The following TAFA1 variants were observed in gnomAD, a reference collection of about 807,000 sequenced individuals.
TAFA1 encodes TAFA chemokine like family member 1, also known as chemokine-like protein TAFA-1.
Under a neutral mutation model 18.5 loss-of-function variants are expected in TAFA1, and 4 were observed. The ratio of observed to expected loss-of-function variants is 0.22; its 90% CI spans 0.11 to 0.49. TAFA1 has a LOEUF of 0.49. Among genes scored for constraint, TAFA1 ranks in the 20% least tolerant of loss-of-function variants. The pLI is 0.98. For synonymous variants in TAFA1, 56 were observed against 55.2 expected (o/e 1.01, Z -0.06); for missense variants, 147 against 169.0 (o/e 0.87, Z 0.72).
chr3:68,078,238 C>A (rs1031171510), intron 2 of TAFA1, among the ~76,000 whole-genome samples: 1 of 152,076 alleles, frequency 6.6e-6, no homozygotes, highest in Admixed American at 6.5e-5. Context: ...TCTAGATATA[C>A]AATCATGTCA....
chr3:68,545,205 C>T lies in TAFA1; in HGVS notation c.*702C>T, dbSNP rs903392750. On this transcript the variant is annotated 3_prime_UTR_variant, in exon 5 of 5. Coordinates refer to ENST00000478136, the MANE Select transcript of TAFA1 (RefSeq NM_213609.4). ...ATTCAATTGATATATAATAACCGTT[C>T]TAACCTCTTCCAGGAAAATATTTTT... 1.3e-5 allele frequency: 2 copies of T among 152,586 alleles called. No homozygotes were observed. The highest frequency in any genetic ancestry group is 2.9e-5 in the Non-Finnish European group (2 of 68,024). The allele number at this position is 152,586 out of a possible 1,614,324, so 9.5% of individuals were successfully genotyped here.
chr3:68,056,871 G>T (rs1272704035), intron 2 of TAFA1, among the ~76,000 whole-genome samples: 2 of 152,172 alleles, frequency 1.3e-5, no homozygotes, highest in East Asian at 3.9e-4. Context: ...GGGAGACTCT[G>T]AGGGGTCTGG....
intron 2 of TAFA1, among the ~76,000 whole-genome samples, chr3:68,078,651 G>C (rs1253190354): frequency 6.6e-6 from 1 of 152,018 alleles, no homozygotes; most frequent in East Asian, 1.9e-4. Flanking sequence ...TTGCATCCCA[G>C]GGATGAAGCC....
At chr3:68,196,021 A>G (rs1272341029) in intron 2 of TAFA1, among the ~76,000 whole-genome samples, 1 of 151,746 alleles carries the variant, frequency 6.6e-6, no homozygotes, top group Non-Finnish European at 1.5e-5. Context: ...ATAGAGTTTT[A>G]GAGACAGCTG....
chr3:68,210,991 C>G (rs2066590076), intron 2 of TAFA1, among the ~76,000 whole-genome samples: 1 of 151,956 alleles, frequency 6.6e-6, no homozygotes, highest in Non-Finnish European at 1.5e-5. Context: ...CAAGGAGATG[C>G]TGGCTATTGA....
At chr3:68,165,716 G>A (rs578032640) in intron 2 of TAFA1, among the ~76,000 whole-genome samples, 1 of 152,120 alleles carries the variant, frequency 6.6e-6, no homozygotes, top group Non-Finnish European at 1.5e-5. Context: ...ACATTTCTAA[G>A]GCTGTGGGAA....
chr3:68,317,188 A>C (rs1406877191), intron 2 of TAFA1, among the ~76,000 whole-genome samples: 1 of 152,178 alleles, frequency 6.6e-6, no homozygotes, highest in East Asian at 1.9e-4. Context: ...TTCTGGATAT[A>C]ATGATGGATA....
rs557104110 is a variant in TAFA1 at position 68,010,309 on chromosome 3, T to A, written c.118+3565T>A. 2.8e-4 allele frequency among the ~76,000 whole-genome samples: 42 copies of A among 152,306 alleles called. No individual in the cohort carries two copies. The South Asian group carries it at 5.2e-3, about 19-fold the overall frequency. On this transcript the variant is annotated intron_variant, in intron 2 of 4. Transcript: ENST00000478136. The stretch of plus-strand genomic sequence containing the variant: ...GGTATTCAGACAGCAAACAGCCAAT[T>A]TCAGTCTCTCAAGAAATAATCCACT...
intron 2 of TAFA1, among the ~76,000 whole-genome samples, chr3:68,008,277 A>T (rs1004687464): frequency 1.3e-5 from 2 of 152,250 alleles, no homozygotes; most frequent in Non-Finnish European, 2.9e-5. Flanking sequence ...AGTGAATTTG[A>T]GATTCCCACT....
upstream of TAFA1, among the ~76,000 whole-genome samples, chr3:68,000,503 A>C (rs775115130): frequency 2.0e-5 from 3 of 152,198 alleles, no homozygotes; most frequent in Non-Finnish European, 4.4e-5. Flanking sequence ...AAGAATTAGA[A>C]CATTTGTAAG....
chr3:68,192,019 T>A (rs1031372471), intron 2 of TAFA1, among the ~76,000 whole-genome samples: 3 of 151,818 alleles, frequency 2.0e-5, no homozygotes, highest in African/African-American at 7.2e-5. Context: ...CTGCTTTTGC[T>A]TTGGTTTCCC....
chr3:68,154,074 T>C (rs1413345492), intron 2 of TAFA1, among the ~76,000 whole-genome samples: 1 of 152,166 alleles, frequency 6.6e-6, no homozygotes, highest in African/African-American at 2.4e-5. Flanking sequence ...ATTAATTTCT[T>C]AGTGTTGCCA....
At chr3:68,323,786 A>C (rs1026943306) in intron 2 of TAFA1, among the ~76,000 whole-genome samples, 1 of 152,316 alleles carries the variant, frequency 6.6e-6, no homozygotes, top group Admixed American at 6.5e-5. Context: ...GGACAGATTT[A>C]CTATGAAACA....
chr3:68,190,525 C>T (rs180972493), intron 2 of TAFA1, among the ~76,000 whole-genome samples: 2 of 151,994 alleles, frequency 1.3e-5, no homozygotes, highest in Admixed American at 1.3e-4. Flanking sequence ...GACCATTAAC[C>T]TCAGGGTCAT....
intron 2 of TAFA1, among the ~76,000 whole-genome samples, chr3:68,042,442 G>A (rs757444595): frequency 2.6e-5 from 4 of 152,142 alleles, no homozygotes; most frequent in Non-Finnish European, 5.9e-5. Context: ...CTGAGGTCAG[G>A]AGTTCAAGAC....
At chr3:68,164,142 C>T (rs1185889579) in intron 2 of TAFA1, among the ~76,000 whole-genome samples, 1 of 152,310 alleles carries the variant, frequency 6.6e-6, no homozygotes, top group Admixed American at 6.5e-5. Context: ...TATCCCATTG[C>T]CATTCTGCAG....
chr3:68,507,795 C>A (rs148871599), intron 3 of TAFA1, among the ~76,000 whole-genome samples: 1 of 152,244 alleles, frequency 6.6e-6, no homozygotes, highest in East Asian at 1.9e-4. Flanking sequence ...AAAAACCGCA[C>A]AACCCCTATT....
At chr3:68,359,362 A>G (rs1479590745) in intron 2 of TAFA1, among the ~76,000 whole-genome samples, 1 of 152,048 alleles carries the variant, frequency 6.6e-6, no homozygotes, top group Non-Finnish European at 1.5e-5. Context: ...GGCAAAAGGA[A>G]AATTAAGGTG....
intron 3 of TAFA1, among the ~76,000 whole-genome samples, chr3:68,487,405 A>G (rs2106672047): frequency 6.6e-6 from 1 of 152,308 alleles, no homozygotes; most frequent in Non-Finnish European, 1.5e-5. Context: ...AAGTCATCGC[A>G]TATTTGTAAA....
Sources: allele counts gnomAD v4.1 joint callset (sites outside exome capture counted in the v4.1 genomes callset), GRCh38; gene constraint gnomAD v4.1.1; transcripts MANE v1.5; gene names NCBI Gene and HGNC (gene_info 2026-07-23, HGNC 2026-07-21).